CSMD1: variants seen among roughly 807,000 people sequenced by gnomAD.
CSMD1 encodes the protein CUB and Sushi multiple domains 1, also known as CUB and sushi domain-containing protein 1.
A neutral mutation model predicts 417.5 loss-of-function variants in CSMD1; 213 were observed. The observed-to-expected ratio is 0.51, with a 90% CI of 0.46 to 0.57. The LOEUF (loss-of-function observed/expected upper bound fraction) is 0.57, where lower values mean the gene tolerates loss of function less well. Among genes scored for constraint, CSMD1 ranks in the 20% least tolerant of loss-of-function variants. The probability of loss-of-function intolerance (pLI) is 0.00; values close to 1 mark genes in which losing one functional copy is unlikely to be tolerated. For missense variants in CSMD1, 6,923 were observed against 4,529.7 expected (o/e 1.53, Z -15.17); for synonymous variants, 2,862 against 1,736.8 (o/e 1.65, Z -16.11).
intron 2 of CSMD1, among the ~76,000 whole-genome samples, chr8:4,537,007 T>A (rs554564501): frequency 2.0e-5 from 3 of 152,280 alleles, no homozygotes; most frequent in Non-Finnish European, 4.4e-5. Flanking sequence ...TCATACAAAT[T>A]TGAGCACGGT....
intron 3 of CSMD1, among the ~76,000 whole-genome samples, chr8:4,081,052 C>A (rs756644613): frequency 6.6e-6 from 1 of 152,110 alleles, no homozygotes; most frequent in Non-Finnish European, 1.5e-5. Flanking sequence ...CAAAGTTCAT[C>A]CCCTTGGGTA....
chr8:3,936,802 G>A (rs1165502788), intron 5 of CSMD1, among the ~76,000 whole-genome samples: 1 of 152,110 alleles, frequency 6.6e-6, no homozygotes, highest in Admixed American at 6.6e-5. Flanking sequence ...TGTTATTTAA[G>A]AAATATGTTT....
Position 4,037,115 on chromosome 8 carries a change from T to G in CSMD1, c.416-5016A>C, listed in dbSNP as rs1043569697. ...GGAATAATTGGATAAATTATTTTAC[T>G]TGTTTTTATTAATCTTTCTTAAGTG... On this transcript the variant is annotated intron_variant, in intron 3 of 69. Coordinates refer to ENST00000635120, the MANE Select transcript of CSMD1 (RefSeq NM_033225.6). 4.6e-5 allele frequency among the ~76,000 whole-genome samples: 7 copies of G among 152,250 alleles called. No homozygotes were observed. The East Asian group carries it at 1.3e-3, about 29-fold the overall frequency.
At chr8:4,436,123 T>A (rs566651954) in intron 2 of CSMD1, among the ~76,000 whole-genome samples, 1 of 152,252 alleles carries the variant, frequency 6.6e-6, no homozygotes, top group African/African-American at 2.4e-5. Context: ...TATTCTTCAT[T>A]TCAGCATAAA....
intron 40 of CSMD1, among the ~76,000 whole-genome samples, chr8:3,144,121 G>T (rs1057269534): frequency 1.3e-5 from 2 of 152,134 alleles, no homozygotes; most frequent in Admixed American, 6.6e-5. Context: ...AACCAAGTTT[G>T]CTCCCAGCAC....
chr8:4,171,014 T>G (rs539350544), intron 3 of CSMD1, among the ~76,000 whole-genome samples: 1 of 151,918 alleles, frequency 6.6e-6, no homozygotes, highest in South Asian at 2.1e-4. Context: ...CATGGGATAA[T>G]GGCCTTCCAT....
intron 22 of CSMD1, among the ~76,000 whole-genome samples, chr8:3,346,392 T>G (rs1016806895): frequency 6.6e-5 from 10 of 152,196 alleles, no homozygotes; most frequent in African/African-American, 2.4e-4. Flanking sequence ...CTTACTGACT[T>G]CTAAATTTGA....
At chr8:3,505,187 TGA>T (rs1218360393) in intron 10 of CSMD1, among the ~76,000 whole-genome samples, 1 of 152,068 alleles carries the variant, frequency 6.6e-6, no homozygotes, top group African/African-American at 2.4e-5. Flanking sequence ...TATTAAAAAA[TGA>T]GAGACTGGGA....
chr8:3,618,072 G>A (rs1584968725), intron 7 of CSMD1, among the ~76,000 whole-genome samples: 1 of 152,014 alleles, frequency 6.6e-6, no homozygotes, highest in East Asian at 1.9e-4. Flanking sequence ...CACAATCATG[G>A]ATCACTGCAG....
intron 3 of CSMD1, among the ~76,000 whole-genome samples, chr8:4,117,470 T>TA (rs897957316): frequency 4.3e-4 from 66 of 152,290 alleles, no homozygotes; most frequent in African/African-American, 1.5e-3. Context: ...ATCGTCTTAA[T>TA]AAATGATGCA....
chr8:4,688,271 C>G (rs1021131686), intron 1 of CSMD1, among the ~76,000 whole-genome samples: 1 of 152,090 alleles, frequency 6.6e-6, no homozygotes, highest in Non-Finnish European at 1.5e-5. Flanking sequence ...GTATATTGAT[C>G]TAACATAATG....
chr8:3,149,436 G>A (rs965166913), intron 40 of CSMD1, among the ~76,000 whole-genome samples: 12 of 151,970 alleles, frequency 7.9e-5, no homozygotes, highest in Admixed American at 2.0e-4. Context: ...TGTTTATCAC[G>A]TGCCAAACCC....
intron 1 of CSMD1, among the ~76,000 whole-genome samples, chr8:4,713,878 G>C (rs1286844307): frequency 6.6e-6 from 1 of 152,142 alleles, no homozygotes; most frequent in Admixed American, 6.5e-5. Context: ...CAAAAGTGGA[G>C]GTGGAGATAA....
chr8:3,966,071 G>T (rs1812661376), intron 5 of CSMD1, among the ~76,000 whole-genome samples: 1 of 152,130 alleles, frequency 6.6e-6, no homozygotes, highest in South Asian at 2.1e-4. Flanking sequence ...ATAAAATAAC[G>T]AATGTCCAGG....
At chr8:3,979,994 A>G (rs1337904057) in intron 5 of CSMD1, among the ~76,000 whole-genome samples, 1 of 152,228 alleles carries the variant, frequency 6.6e-6, no homozygotes, top group Non-Finnish European at 1.5e-5. Flanking sequence ...GGGTTGAACA[A>G]CTCACAGATA....
At chr8:3,035,175 C>T (rs919292290) in intron 50 of CSMD1, among the ~76,000 whole-genome samples, 3 of 152,186 alleles carry the variant, frequency 2.0e-5, no homozygotes, top group African/African-American at 7.2e-5. Flanking sequence ...AGATACAGGG[C>T]TGTTCCCTGT....
chr8:3,660,560 G>A (rs1400007901), intron 7 of CSMD1, among the ~76,000 whole-genome samples: 1 of 107,348 alleles, frequency 9.3e-6, no homozygotes, highest in Admixed American at 1.3e-4. Flanking sequence ...AGGCCCTGCA[G>A]TCCAGGCAAG....
In CSMD1 at chr8:4,294,430, C is replaced by G. The variant is rs1797553822; in HGVS notation, c.415+125523G>C. ...TTGAATAGCTAATGTTTATCAGACA[C>G]TTCAATTAACATCGCAGGCAATGAT... On this transcript the variant is annotated intron_variant, in intron 3 of 69. Coordinates refer to ENST00000635120, the MANE Select transcript of CSMD1 (RefSeq NM_033225.6). 2.6e-5 allele frequency among the ~76,000 whole-genome samples: 4 copies of G among 152,244 alleles called. No homozygotes were observed. In the South Asian group the frequency reaches 8.3e-4, roughly 32 times the overall value.
chr8:4,045,481 C>G (rs747730077), intron 3 of CSMD1, among the ~76,000 whole-genome samples: 4 of 152,216 alleles, frequency 2.6e-5, no homozygotes, highest in Non-Finnish European at 4.4e-5. Context: ...GGTCAGAACA[C>G]TGTCCCCAGT....
Sources: gnomAD v4.1 joint callset for allele counts (sites outside exome capture counted in the v4.1 genomes callset) on GRCh38, gnomAD v4.1.1 for gene constraint, MANE v1.5 for transcripts, NCBI Gene and HGNC (gene_info 2026-07-23, HGNC 2026-07-21) for gene names.